CAMTA1: variants seen among roughly 807,000 people sequenced by gnomAD.
CAMTA1 encodes calmodulin-binding transcription activator 1.
Under a neutral mutation model 170.9 loss-of-function variants are expected in CAMTA1, and 27 were observed. The ratio of observed to expected loss-of-function variants is 0.16; its 90% CI spans 0.12 to 0.22. The LOEUF (loss-of-function observed/expected upper bound fraction) is 0.22, where lower values mean the gene tolerates loss of function less well. CAMTA1 is among the 10% of genes least tolerant of loss of function. CAMTA1 has a pLI of 1.00. For synonymous variants in CAMTA1, 833 were observed against 891.5 expected, an observed-to-expected ratio of 0.93 and a Z score of 1.17; for missense variants, 1,619 against 2,217.2, an observed-to-expected ratio of 0.73 and a Z score of 5.42.
intron 3 of CAMTA1, among the ~76,000 whole-genome samples, chr1:6,883,717 A>G (rs1672291689): frequency 6.6e-6 from 1 of 152,018 alleles, no homozygotes; most frequent in African/African-American, 2.4e-5. Flanking sequence ...AGGGCTTGAA[A>G]TCGGTATCAT....
chr1:7,391,868 T>A (rs1157537742), intron 5 of CAMTA1, among the ~76,000 whole-genome samples: 1 of 152,192 alleles, frequency 6.6e-6, no homozygotes, highest in Non-Finnish European at 1.5e-5. Flanking sequence ...GTGAGTGGTG[T>A]TCCATGGTGT....
intron 5 of CAMTA1, among the ~76,000 whole-genome samples, chr1:7,338,071 A>G (rs1427806149): frequency 7.0e-6 from 1 of 143,824 alleles, no homozygotes; most frequent in African/African-American, 2.7e-5. Flanking sequence ...AGGACTACAT[A>G]TATATTGTCC....
In CAMTA1 at chr1:7,013,209, C is replaced by CTTTTTTTTTTTTTTTT. The variant is rs969077771; in HGVS notation, c.235-78087_235-78072dup. ...TCCAGGCCCTGCCTTTGCCCTTCTT[C>CTTTTTTTTTTTTTTTT]TTTTTTTTTTTTTTTTTTTTTTTGA... On this transcript the variant is annotated intron_variant, in intron 3 of 22. Coordinates refer to ENST00000303635, the MANE Select transcript of CAMTA1 (RefSeq NM_015215.4). Among the ~76,000 whole-genome samples, 136 of 84,182 alleles carry CTTTTTTTTTTTTTTTT rather than the reference C, an allele frequency of 1.6e-3. 8 individuals are homozygous for CTTTTTTTTTTTTTTTT. The highest frequency in any genetic ancestry group is 2.0e-3 in the Non-Finnish European group (95 of 46,752). The allele number at this position is 84,182 out of a possible 152,430, so 55.2% of individuals were successfully genotyped here.
intron 22 of CAMTA1, among the ~76,000 whole-genome samples, chr1:7,759,732 T>C (rs1353427384): frequency 2.6e-5 from 4 of 152,206 alleles, no homozygotes; most frequent in East Asian, 1.9e-4. Context: ...TTCAGTTGCA[T>C]AGAGAAAAAC....
At chr1:7,339,025 T>A (rs2083596158) in intron 5 of CAMTA1, among the ~76,000 whole-genome samples, 2 of 152,206 alleles carry the variant, frequency 1.3e-5, no homozygotes, top group Non-Finnish European at 2.9e-5. Flanking sequence ...TTTAAACAAC[T>A]GGATGTGGTG....
In CAMTA1 at chr1:6,887,182, G is replaced by A. The variant is rs567211678; in HGVS notation, c.234+61972G>A. Among the ~76,000 whole-genome samples the A allele has an allele frequency of 3.3e-5, 5 of 152,320 alleles. No homozygotes were observed. The South Asian group carries it at 1.0e-3, about 32-fold the overall frequency. On this transcript the variant is annotated intron_variant, in intron 3 of 22. Transcript: ENST00000303635. This position sits in a 1 kb window ranked among gnomAD's most constrained non-coding sequence, Gnocchi z 4.1. ...CATAATGACTCCCCTGGGTTGCTAT[G>A]TTAGAAGAAAACCCAAAACTTAAGT...
Position 7,682,621 on chromosome 1 carries a change from G to A in CAMTA1, c.2914+4888G>A, listed in dbSNP as rs543210449. Among the ~76,000 whole-genome samples, 2 of 152,216 alleles carry A rather than the reference G, an allele frequency of 1.3e-5. No homozygotes were observed. The highest frequency in any genetic ancestry group is 4.8e-5 in the African/African-American group (2 of 41,460). On this transcript the variant is annotated intron_variant, in intron 11 of 22. Transcript: ENST00000303635. This position sits in a 1 kb window ranked among gnomAD's most constrained non-coding sequence, Gnocchi z 5.0. ...ACCAGCCTCCACCCACCAGAGCTGG[G>A]AGATCACACACTGTCCCAGAGTCCA...
intron 5 of CAMTA1, among the ~76,000 whole-genome samples, chr1:7,384,446 T>G (rs2087706250): frequency 6.6e-6 from 1 of 152,180 alleles, no homozygotes; most frequent in Non-Finnish European, 1.5e-5. Context: ...GGCCCTATAC[T>G]GTGTGTGATG....
intron 3 of CAMTA1, among the ~76,000 whole-genome samples, chr1:6,914,938 T>A (rs1680473934): frequency 1.3e-5 from 2 of 152,342 alleles, no homozygotes; most frequent in Non-Finnish European, 2.9e-5. Context: ...CACTGCTGAA[T>A]TCTAATTCTG....
At chr1:6,810,350 C>T (rs899134757) in intron 1 of CAMTA1, among the ~76,000 whole-genome samples, 7 of 152,086 alleles carry the variant, frequency 4.6e-5, no homozygotes, top group African/African-American at 1.7e-4. Context: ...TCAATTCCTG[C>T]CCCAGGGGCC....
chr1:7,352,325 G>A (rs2084746492), intron 5 of CAMTA1, among the ~76,000 whole-genome samples: 1 of 152,158 alleles, frequency 6.6e-6, no homozygotes, highest in Non-Finnish European at 1.5e-5. Context: ...TCATCTGGGA[G>A]GTGACAAAAA....
Position 7,266,756 on chromosome 1 carries a change from C to CATT in CAMTA1, c.438+17131_438+17133dup, listed in dbSNP as rs527791919. 3.8e-3 allele frequency among the ~76,000 whole-genome samples: 584 copies of CATT among 152,314 alleles called. 1 individual carries two copies. Among genetic ancestry groups the CATT allele is most frequent in the African/African-American group, 0.013 (561 of 41,562 alleles). On this transcript the variant is annotated intron_variant, in intron 5 of 22. Transcript: ENST00000303635. ...GGCCTGTGACTAAGGGAGGAAAGGC[C>CATT]ATTGCTGCAAAGAGCTGGGCAGGGC...
chr1:7,534,291 C>T lies in CAMTA1; in HGVS notation c.510+66390C>T, dbSNP rs909965252. Among the ~76,000 whole-genome samples, 31 of 152,296 alleles carry T rather than the reference C, an allele frequency of 2.0e-4. No individual in the cohort carries two copies. Among genetic ancestry groups the T allele is most frequent in the East Asian group, 7.7e-4 (4 of 5,184 alleles). On this transcript the variant is annotated intron_variant, in intron 6 of 22. Transcript: ENST00000303635. The surrounding 1 kb of genome is among the most constrained non-coding windows in gnomAD (Gnocchi z 5.6). ...CTGGCTGGAGGCCGAGGCTGGGGGC[C>T]GCGGGGCTATTTTTAGTTTGCGTCA... is the stretch of plus-strand genomic sequence containing the variant.
intron 6 of CAMTA1, among the ~76,000 whole-genome samples, chr1:7,505,931 C>T (rs1231884533): frequency 2.6e-5 from 4 of 152,192 alleles, no homozygotes; most frequent in Non-Finnish European, 5.9e-5. Flanking sequence ...GTCCGAGAGG[C>T]CTCCTCACCC....
intron 3 of CAMTA1, among the ~76,000 whole-genome samples, chr1:6,928,058 C>T (rs971153235): frequency 4.1e-4 from 63 of 152,294 alleles, no homozygotes; most frequent in African/African-American, 1.5e-3. Flanking sequence ...ATCCTGTTCT[C>T]CTCCTGCCTG....
At position 6,969,489 on chromosome 1, in the gene CAMTA1, G is replaced by A. The variant is rs575776821; in HGVS notation, c.235-121815G>A. 9.5e-4 allele frequency among the ~76,000 whole-genome samples: 144 copies of A among 152,320 alleles called. 1 individual carries two copies. The highest frequency in any genetic ancestry group is 3.3e-3 in the African/African-American group (138 of 41,584). On this transcript the variant is annotated intron_variant, in intron 3 of 22. Coordinates refer to ENST00000303635, the MANE Select transcript of CAMTA1 (RefSeq NM_015215.4). ...CCCGGATGATCACATCTGCTTTGGGGCGGTGAGGAGGGCCCAGATGATGTA... is the reference window on the plus strand; with the variant it reads ...CCCGGATGATCACATCTGCTTTGGGACGGTGAGGAGGGCCCAGATGATGTA...
At chr1:7,128,216 C>G (rs76839466) in intron 4 of CAMTA1, among the ~76,000 whole-genome samples, 1 of 152,150 alleles carries the variant, frequency 6.6e-6, no homozygotes, top group South Asian at 2.1e-4. Context: ...TTCCCCCTAC[C>G]TCGCCCATGT....
At chr1:7,069,985 C>G (rs1010437286) in intron 3 of CAMTA1, among the ~76,000 whole-genome samples, 4 of 152,248 alleles carry the variant, frequency 2.6e-5, no homozygotes, top group Admixed American at 2.6e-4. Flanking sequence ...TACTCCTTGC[C>G]GCGGCCTCTG....
chr1:7,707,551 A>G (rs1208805821), intron 11 of CAMTA1, among the ~76,000 whole-genome samples: 2 of 151,764 alleles, frequency 1.3e-5, no homozygotes, highest in Non-Finnish European at 2.9e-5. Flanking sequence ...AATTTGTTGT[A>G]TTTTTTGTAG....
Sources: gnomAD v4.1 joint callset for allele counts (sites outside exome capture counted in the v4.1 genomes callset) on GRCh38, gnomAD v4.1.1 for gene constraint, Gnocchi (gnomAD v3.1) non-coding constraint, MANE v1.5 for transcripts, NCBI Gene and HGNC (gene_info 2026-07-23, HGNC 2026-07-21) for gene names.